PHYHIPL: variants seen among roughly 807,000 people sequenced by gnomAD.
PHYHIPL encodes the protein phytanoyl-CoA hydroxylase-interacting protein-like.
In PHYHIPL, 9 loss-of-function variants were observed where a neutral mutation model predicts 33.4. That is an observed-to-expected ratio of 0.27 (90% CI 0.16 to 0.47). The LOEUF is 0.47. Ranked by LOEUF, PHYHIPL falls within the 20% of genes least tolerant of loss-of-function variation. The probability of loss-of-function intolerance (pLI) is 0.99; values close to 1 mark genes in which losing one functional copy is unlikely to be tolerated. For missense variants in PHYHIPL, 365 were observed against 460.7 expected (o/e 0.79, Z 1.90); for synonymous variants, 153 against 154.1 (o/e 0.99, Z 0.05).
chr10:59,238,638 G>T lies in PHYHIPL; in HGVS notation c.529G>T (p.Ala177Ser). 6.2e-7 allele frequency: 1 copy of T among 1,611,340 alleles called. No homozygotes were observed. Among genetic ancestry groups the T allele is most frequent in the Non-Finnish European group, 8.5e-7 (1 of 1,177,950 alleles). ...ATTGTTGGAGAAGGCTGAAGTGATTGCAGGACGCATGCTTAAGTTTTCTGT... is the reference window on the plus strand; with the variant it reads ...ATTGTTGGAGAAGGCTGAAGTGATTTCAGGACGCATGCTTAAGTTTTCTGT... ...TQLLEKAEVI[A>S]GRMLKFSVFY... Residue 177 changes from alanine (A) to serine (S), a missense_variant, in exon 4 of 5, where the codon GCA (alanine) becomes TCA (serine). By Grantham distance (99) the Ala-to-Ser change is moderately conservative. Around this residue, in one of 4 missense-constraint regions of PHYHIPL, gnomAD observed 196 missense variants for 224.9 expected, o/e 0.87. Coordinates refer to ENST00000373880, the MANE Select transcript of PHYHIPL (RefSeq NM_032439.4).
At chr10:59,195,543 A>G (rs1410563864) in intron 1 of PHYHIPL, among the ~76,000 whole-genome samples, 3 of 152,222 alleles carry the variant, frequency 2.0e-5, no homozygotes, top group Non-Finnish European at 2.9e-5. Context: ...CTATGTCTTC[A>G]GAGATAAGGA....
At chr10:59,178,887 A>G (rs1228149170) in intron 1 of PHYHIPL, among the ~76,000 whole-genome samples, 1 of 152,116 alleles carries the variant, frequency 6.6e-6, no homozygotes, top group African/African-American at 2.4e-5. Context: ...AATTTTGGGG[A>G]GGGTGCTGGC....
chr10:59,212,676 T>C (rs1462182640), intron 1 of PHYHIPL, among the ~76,000 whole-genome samples: 4 of 152,216 alleles, frequency 2.6e-5, no homozygotes, highest in African/African-American at 9.6e-5. Flanking sequence ...CTATTCTGGT[T>C]TGGGGAAGAG....
chr10:59,232,338 ATGAAGATTT>A (rs1035456669), intron 1 of PHYHIPL, among the ~76,000 whole-genome samples: 1 of 152,036 alleles, frequency 6.6e-6, no homozygotes, highest in African/African-American at 2.4e-5. Flanking sequence ...TAGCTTGAAA[ATGAAGATTT>A]TTAATATAAC....
chr10:59,226,636 G>A (rs1432556983), intron 1 of PHYHIPL, among the ~76,000 whole-genome samples: 1 of 152,102 alleles, frequency 6.6e-6, no homozygotes, highest in African/African-American at 2.4e-5. Flanking sequence ...CTGGGCTAGG[G>A]AATGCAGTTC....
Position 59,181,951 on chromosome 10 carries a change from T to C in PHYHIPL, c.106+4992T>C, listed in dbSNP as rs556589890. On this transcript the variant is annotated intron_variant, in intron 1 of 4. Transcript: ENST00000373880. ...GGTAGGCCCGGTCAGAAATTCACTC[T>C]CTATAGAATGCTATTTAGACAACAT... Among the ~76,000 whole-genome samples, 105 of 152,342 alleles carry C rather than the reference T, an allele frequency of 6.9e-4. 1 individual carries two copies. Among genetic ancestry groups the C allele is most frequent in the African/African-American group, 2.5e-3 (102 of 41,588 alleles).
chr10:59,230,267 G>A (rs966361846), intron 1 of PHYHIPL, among the ~76,000 whole-genome samples: 12 of 138,160 alleles, frequency 8.7e-5, no homozygotes, highest in Non-Finnish European at 1.7e-4. Context: ...AGGCTGGAGT[G>A]CAGTGGCACA....
intron 1 of PHYHIPL, among the ~76,000 whole-genome samples, chr10:59,180,665 G>A (rs977510467): frequency 2.0e-5 from 3 of 151,556 alleles, no homozygotes; most frequent in Admixed American, 1.3e-4. Flanking sequence ...CAATACTTAC[G>A]TGGAAAAAAT....
chr10:59,200,824 G>A (rs1839081565), intron 1 of PHYHIPL, among the ~76,000 whole-genome samples: 1 of 152,276 alleles, frequency 6.6e-6, no homozygotes, highest in South Asian at 2.1e-4. Flanking sequence ...ATTTCTCCTA[G>A]ATTTTCGAGT....
upstream of PHYHIPL, among the ~76,000 whole-genome samples, chr10:59,174,028 C>T (rs1156639273): frequency 7.6e-6 from 1 of 131,278 alleles, no homozygotes; most frequent in Non-Finnish European, 1.6e-5. Flanking sequence ...TCTGGAAAGT[C>T]AATGCCTACC....
chr10:59,173,974 G>GTTTTTTTTT (rs1838211101), upstream of PHYHIPL, among the ~76,000 whole-genome samples: 1 of 92,196 alleles, frequency 1.1e-5, no homozygotes, highest in African/African-American at 4.7e-5. Flanking sequence ...GAGGAGGGGA[G>GTTTTTTTTT]TATTGTTTTC....
intron 1 of PHYHIPL, among the ~76,000 whole-genome samples, chr10:59,185,255 G>T (rs1001900811): frequency 3.3e-5 from 5 of 152,210 alleles, no homozygotes; most frequent in East Asian, 1.9e-4. Context: ...CTCCCAAAGT[G>T]CTGGGATTAC....
intron 1 of PHYHIPL, among the ~76,000 whole-genome samples, chr10:59,218,361 G>T (rs541304843): frequency 1.4e-4 from 22 of 152,260 alleles, no homozygotes; most frequent in African/African-American, 5.3e-4. Context: ...TTTATAAGGT[G>T]AATTACTTGA....
At chr10:59,198,670 A>G (rs1838998124) in intron 1 of PHYHIPL, among the ~76,000 whole-genome samples, 1 of 152,214 alleles carries the variant, frequency 6.6e-6, no homozygotes, top group Non-Finnish European at 1.5e-5. Flanking sequence ...CAGTCCCACT[A>G]ACAGTGTAAA....
chr10:59,219,432 T>C (rs1400949992), intron 1 of PHYHIPL, among the ~76,000 whole-genome samples: 1 of 152,194 alleles, frequency 6.6e-6, no homozygotes, highest in Non-Finnish European at 1.5e-5. Context: ...GTTCACTGAC[T>C]AGTCTCTATT....
Position 59,176,840 on chromosome 10 carries a change from A to C in PHYHIPL, c.-14A>C, listed in dbSNP as rs1838263757. Reference sequence around the variant, plus strand: ...TGGATACGAAGCAGGCGGGCTTCAGAGTGGGTTGGAAAAATGGAGGTGCCG... The same window carrying C: ...TGGATACGAAGCAGGCGGGCTTCAGCGTGGGTTGGAAAAATGGAGGTGCCG... On this transcript the variant is annotated 5_prime_UTR_variant, in exon 1 of 5. Coordinates refer to ENST00000373880, the MANE Select transcript of PHYHIPL (RefSeq NM_032439.4). 1.2e-6 allele frequency: 2 copies of C among 1,608,120 alleles called. No homozygotes were observed. The highest frequency in any genetic ancestry group is 1.7e-6 in the Non-Finnish European group (2 of 1,177,218).
intron 1 of PHYHIPL, among the ~76,000 whole-genome samples, chr10:59,230,212 C>CTTTTTTT (rs71006238): frequency 4.1e-5 from 5 of 123,374 alleles, no homozygotes; most frequent in South Asian, 2.5e-4. Context: ...AAATTGCTTT[C>CTTTTTTT]TTTTTTTTTT....
At chr10:59,201,742 A>T (rs1839124908) in intron 1 of PHYHIPL, among the ~76,000 whole-genome samples, 1 of 152,210 alleles carries the variant, frequency 6.6e-6, no homozygotes, top group Non-Finnish European at 1.5e-5. Context: ...TGAAATTTGG[A>T]ATTAAAATAA....
At chr10:59,239,297 G>A (rs1840321043) in intron 4 of PHYHIPL, among the ~76,000 whole-genome samples, 1 of 152,030 alleles carries the variant, frequency 6.6e-6, no homozygotes, top group African/African-American at 2.4e-5. Flanking sequence ...GGAGAAGCAA[G>A]TCACATCTTA....
Sources: gnomAD v4.1 joint callset for allele counts (sites outside exome capture counted in the v4.1 genomes callset) on GRCh38, gnomAD v4.1.1 for gene constraint, gnomAD v4.1.1 regional missense constraint, MANE v1.5 for transcripts, NCBI Gene and HGNC (gene_info 2026-07-23, HGNC 2026-07-21) for gene names.